CCDC175: variants seen among roughly 807,000 people sequenced by gnomAD.
CCDC175 encodes coiled-coil domain-containing protein 175.
CCDC175 carries 100 observed loss-of-function variants against 114.6 expected under a neutral mutation model. That is an observed-to-expected ratio of 0.87 (90% CI 0.74 to 1.03). CCDC175 has a LOEUF of 1.03. CCDC175 is among the 50% of genes least tolerant of loss of function. The pLI, the probability that CCDC175 is intolerant of heterozygous loss-of-function variation, is 0.00. For missense variants in CCDC175, 880 were observed against 917.8 expected (o/e 0.96, Z 0.53); for synonymous variants, 306 against 308.7 (o/e 0.99, Z 0.09).
In CCDC175 at chr14:59,510,705, C is replaced by T. The variant is rs775782306; in HGVS notation, c.2246G>A (p.Arg749Gln). Residue 749 changes from arginine to glutamine, a missense_variant, in exon 19 of 20, where the codon CGA (arginine) becomes CAA (glutamine). By Grantham distance (43) the Arg-to-Gln change is conservative (BLOSUM62 1). Coordinates refer to ENST00000537690, the MANE Select transcript of CCDC175 (RefSeq NM_001164399.2). ...CAAACGCAGCCCTTCAAGACTCCCT[C>T]GTAGCCATGTACTGACATGCTGCAT... ...EKMQHVSTWL[R>Q]GSLEGLRLLV... is the part of the protein sequence containing the mutation. 9.1e-6 allele frequency: 14 copies of T among 1,537,146 alleles called. No homozygotes were observed. The highest frequency in any genetic ancestry group is 4.8e-5 in the South Asian group (4 of 84,066).
chr14:59,518,658 T>G (rs1249556595), intron 17 of CCDC175, among the ~76,000 whole-genome samples: 1 of 152,044 alleles, frequency 6.6e-6, no homozygotes, highest in African/African-American at 2.4e-5. Context: ...CATTAAAAAG[T>G]CAGGAAAAAA....
intron 14 of CCDC175, 105 bp downstream of exon 14, chr14:59,531,667 G>A (rs113558975): frequency 0.048 from 37,394 of 779,714 alleles, 1,053 homozygotes; most frequent in Non-Finnish European, 0.057. Flanking sequence ...GGAAAGTTTG[G>A]TGAGTTTCAC....
At chr14:59,541,946 G>A (rs992481344) in intron 10 of CCDC175, among the ~76,000 whole-genome samples, 1 of 152,198 alleles carries the variant, frequency 6.6e-6, no homozygotes, top group African/African-American at 2.4e-5. Context: ...GGAAACAGAT[G>A]TTTGAATATA....
chr14:59,534,595 C>T (rs948331755), intron 13 of CCDC175, among the ~76,000 whole-genome samples: 1 of 152,114 alleles, frequency 6.6e-6, no homozygotes, highest in Non-Finnish European at 1.5e-5. Context: ...TATAATAAAC[C>T]CTTTTCCTGG....
chr14:59,526,279 A>G (rs1355950157), intron 15 of CCDC175, among the ~76,000 whole-genome samples: 1 of 152,026 alleles, frequency 6.6e-6, no homozygotes, highest in African/African-American at 2.4e-5. Context: ...ATATTTTCCT[A>G]TATATTCCTT....
At chr14:59,547,024 G>C (rs1419049016) in intron 8 of CCDC175, among the ~76,000 whole-genome samples, 1 of 152,080 alleles carries the variant, frequency 6.6e-6, no homozygotes, top group Non-Finnish European at 1.5e-5. Flanking sequence ...AGGATCACTT[G>C]AGCCCAGGAG....
chr14:59,565,312 A>T, intron 4 of CCDC175, 37 bp from the exon 5 acceptor site: 1 of 1,486,338 alleles, frequency 6.7e-7, no homozygotes, highest in Non-Finnish European at 9.0e-7. Context: ...TGAGAAGCAC[A>T]GCTCCTAAGA....
intron 5 of CCDC175, chr14:59,564,227 C>T (rs181512485): frequency 1.3e-5 from 2 of 153,546 alleles, no homozygotes; most frequent in African/African-American, 4.8e-5. Context: ...CAAGAAGAGT[C>T]GAAGGAAGGA....
rs930248186 is a variant in CCDC175, at chr14:59,531,805, T to G, written c.1729A>C (p.Arg577=). ...ATATTACTGAGCTCTTCTAACTTTC[T>G]TCTTTTCTCTTTATACTCTTGTTCT... ...VAEQEYKEKR[R]KLEELSNIIT... The change falls in exon 14 of 20, where the codon AGA becomes CGA. Residue 577 remains arginine, a synonymous_variant. Coordinates refer to ENST00000537690, the MANE Select transcript of CCDC175 (RefSeq NM_001164399.2). 2 of 1,499,798 alleles carry G rather than the reference T, an allele frequency of 1.3e-6. No homozygotes were observed. The highest frequency in any genetic ancestry group is 1.8e-6 in the Non-Finnish European group (2 of 1,120,546). 92.9% of individuals were successfully genotyped at this position (1,499,798 alleles called of 1,614,324 possible).
chr14:59,543,336 A>C lies in CCDC175; in HGVS notation c.1283+8T>G. The C allele has an allele frequency of 8.9e-7, 1 of 1,126,644 alleles. No homozygotes were observed. Among genetic ancestry groups the C allele is most frequent in the Non-Finnish European group, 1.2e-6 (1 of 820,066 alleles). 69.8% of individuals were successfully genotyped at this position (1,126,644 alleles called of 1,614,324 possible). A position where few individuals can be genotyped will look rare whatever the true frequency, so the allele number is the denominator to read the frequency against. On this transcript the variant is annotated splice_region_variant and intron_variant, in intron 10 of 19. Coordinates refer to ENST00000537690, the MANE Select transcript of CCDC175 (RefSeq NM_001164399.2). ...AAAGATAAAAAATTTCAAAGGCAAC[A>C]AACATACTGTTGAAGTTCCTGGAGT...
intron 7 of CCDC175, 31 bp from the exon 8 acceptor site, chr14:59,551,467 A>G (rs771454522): frequency 1.5e-4 from 169 of 1,165,362 alleles, no homozygotes; most frequent in Non-Finnish European, 1.9e-4. Context: ...ACAGATTCAT[A>G]TAAGAACATA....
chr14:59,521,656 A>C lies in CCDC175; in HGVS notation c.2016T>G (p.Asn672Lys), dbSNP rs1893435518. ...GTCCTTCTCTGTATTTCTCTATGTT[A>C]TTCTTCAAGTATAAAATATACTGAA... is the stretch of plus-strand genomic sequence containing the variant. ...KLKEYILYLK[N>K]NIEKYREGQE... Residue 672 changes from asparagine to lysine, a missense_variant, in exon 17 of 20, where the codon AAT (asparagine) becomes AAG (lysine). Coordinates refer to ENST00000537690, the MANE Select transcript of CCDC175 (RefSeq NM_001164399.2). 6.6e-7 allele frequency: 1 copy of C among 1,525,346 alleles called. No homozygotes were observed. The highest frequency in any genetic ancestry group is 8.8e-7 in the Non-Finnish European group (1 of 1,136,334). 94.5% of individuals were successfully genotyped at this position (1,525,346 alleles called of 1,614,324 possible). A position where few individuals can be genotyped will look rare whatever the true frequency, so the allele number is the denominator to read the frequency against.
chr14:59,537,973 C>G, intron 13 of CCDC175, 50 bp downstream of exon 13: 3 of 1,293,248 alleles, frequency 2.3e-6, no homozygotes, highest in Non-Finnish European at 3.2e-6. Flanking sequence ...ATTCCCCCTC[C>G]CCCTCATGTA....
At chr14:59,508,424 A>ACACACACACACACACACACACACACC (rs1892561474) in intron 19 of CCDC175, among the ~76,000 whole-genome samples, 1 of 149,804 alleles carries the variant, frequency 6.7e-6, no homozygotes, top group Non-Finnish European at 1.5e-5. Flanking sequence ...ACACACACAC[A>ACACACACACACACACACACACACACC]CACACACACA....
At chr14:59,527,451 T>A (rs1381101059) in intron 14 of CCDC175, among the ~76,000 whole-genome samples, 1 of 152,152 alleles carries the variant, frequency 6.6e-6, no homozygotes, top group Non-Finnish European at 1.5e-5. Context: ...CATTTTCCAT[T>A]TACTTAGTCC....
intron 17 of CCDC175, among the ~76,000 whole-genome samples, chr14:59,521,120 T>C (rs1010648): frequency 0.45 from 68,512 of 151,982 alleles, 16,390 homozygotes; most frequent in African/African-American, 0.61. Flanking sequence ...CAAAGGAGAT[T>C]CACATTTGAG....
chr14:59,537,933 A>G (rs912682306), intron 13 of CCDC175, 90 bp downstream of exon 13: 1 of 871,560 alleles, frequency 1.1e-6, no homozygotes, highest in South Asian at 2.3e-5. Context: ...TTTATTTTAC[A>G]TTTAACTGAT....
intron 19 of CCDC175, 154 bp downstream of exon 19, chr14:59,510,492 C>G: frequency 1.3e-6 from 1 of 768,640 alleles, no homozygotes; most frequent in East Asian, 2.8e-5. Flanking sequence ...GTATTCAACC[C>G]CAAATAAGTA....
chr14:59,538,940 A>C, intron 11 of CCDC175, 100 bp from the exon 12 acceptor site: 1 of 1,110,954 alleles, frequency 9.0e-7, no homozygotes, highest in Non-Finnish European at 1.2e-6. Flanking sequence ...ATGACTACAC[A>C]AAATTGTTTG....
Sources: allele counts gnomAD v4.1 joint callset (sites outside exome capture counted in the v4.1 genomes callset), GRCh38; gene constraint gnomAD v4.1.1; transcripts MANE v1.5; gene names NCBI Gene and HGNC (gene_info 2026-07-23, HGNC 2026-07-21).